DAG1: variants seen among roughly 807,000 people sequenced by gnomAD.
The protein encoded by DAG1 is dystroglycan 1.
DAG1 carries 8 observed loss-of-function variants against 46.1 expected under a neutral mutation model. The observed-to-expected ratio is 0.17, with a 90% CI of 0.10 to 0.31. The LOEUF (loss-of-function observed/expected upper bound fraction) is 0.31, where lower values mean the gene tolerates loss of function less well. DAG1 is among the 10% of genes least tolerant of loss of function. The pLI, the probability that DAG1 is intolerant of heterozygous loss-of-function variation, is 1.00. For missense variants in DAG1, 1,003 were observed against 1,189.9 expected, an observed-to-expected ratio of 0.84 and a Z score of 2.31; for synonymous variants, 495 against 481.8, an observed-to-expected ratio of 1.03 and a Z score of -0.36.
chr3:49,480,267 C>CTTTTTTTTT (rs1043834393), intron 1 of DAG1, among the ~76,000 whole-genome samples: 1 of 100,012 alleles, frequency 1.0e-5, no homozygotes, highest in Non-Finnish European at 2.1e-5. Context: ...TATAACATTT[C>CTTTTTTTTT]TTTTTTTTTT....
intron 1 of DAG1, among the ~76,000 whole-genome samples, chr3:49,506,623 A>G (rs2050613420): frequency 6.6e-6 from 1 of 152,164 alleles, no homozygotes; most frequent in African/African-American, 2.4e-5. Context: ...TTAATTTTCA[A>G]ATATTGAGCT....
chr3:49,526,287 A>G (rs1449334960), intron 2 of DAG1, among the ~76,000 whole-genome samples: 1 of 152,206 alleles, frequency 6.6e-6, no homozygotes, highest in Non-Finnish European at 1.5e-5. Flanking sequence ...AACACTAGGG[A>G]TAATAATTTG....
chr3:49,514,227 G>T (rs914907092), intron 2 of DAG1, among the ~76,000 whole-genome samples: 8 of 151,968 alleles, frequency 5.3e-5, no homozygotes. Context: ...CTAGAGCTTT[G>T]GTTTCTGCAT....
intron 1 of DAG1, among the ~76,000 whole-genome samples, chr3:49,486,250 G>T (rs1443368477): frequency 6.6e-6 from 1 of 150,636 alleles, no homozygotes; most frequent in Non-Finnish European, 1.5e-5. Context: ...ACGGAGTCTT[G>T]CTCTGTCGCC....
At chr3:49,479,689 G>A (rs1244283631) in intron 1 of DAG1, among the ~76,000 whole-genome samples, 2 of 126,378 alleles carry the variant, frequency 1.6e-5, no homozygotes, top group South Asian at 2.7e-4. Flanking sequence ...CTGGGCTGGA[G>A]TGCAGTGGCT....
At chr3:49,479,164 G>T (rs1460206645) in intron 1 of DAG1, among the ~76,000 whole-genome samples, 1 of 151,896 alleles carries the variant, frequency 6.6e-6, no homozygotes, top group Non-Finnish European at 1.5e-5. Flanking sequence ...GTTCAAAAGG[G>T]TTATACAAAG....
At chr3:49,498,019 A>G (rs1034718515) in intron 1 of DAG1, among the ~76,000 whole-genome samples, 34 of 152,250 alleles carry the variant, frequency 2.2e-4, no homozygotes, top group Admixed American at 4.6e-4. Context: ...GAATTTTCCA[A>G]GTGAGAGAAG....
intron 1 of DAG1, among the ~76,000 whole-genome samples, chr3:49,502,956 G>A (rs79873387): frequency 0.023 from 3,480 of 152,178 alleles, 226 homozygotes; most frequent in Admixed American, 0.13. Flanking sequence ...TGAGATTTAC[G>A]CATGTTGATA....
At chr3:49,514,299 A>G (rs1049552725) in intron 2 of DAG1, among the ~76,000 whole-genome samples, 1 of 152,142 alleles carries the variant, frequency 6.6e-6, no homozygotes, top group East Asian at 1.9e-4. Context: ...TATAATAATG[A>G]TGCATAAATG....
At chr3:49,523,304 C>T (rs550974468) in intron 2 of DAG1, among the ~76,000 whole-genome samples, 1 of 152,260 alleles carries the variant, frequency 6.6e-6, no homozygotes, top group East Asian at 1.9e-4. Context: ...TCTTGAACTT[C>T]TGGCCTCAAA....
intron 1 of DAG1, among the ~76,000 whole-genome samples, chr3:49,486,510 G>A (rs754503664): frequency 6.6e-6 from 1 of 150,812 alleles, no homozygotes; most frequent in Admixed American, 6.6e-5. Flanking sequence ...GAGCCACCGC[G>A]CCCGGCCCTT....
intron 1 of DAG1, among the ~76,000 whole-genome samples, chr3:49,492,257 T>G (rs1415221333): frequency 6.6e-6 from 1 of 152,196 alleles, no homozygotes; most frequent in African/African-American, 2.4e-5. Context: ...ACCACAGAAC[T>G]TTTGATTTAA....
chr3:49,525,819 A>G (rs1449631762), intron 2 of DAG1, among the ~76,000 whole-genome samples: 3 of 150,128 alleles, frequency 2.0e-5, no homozygotes, highest in Non-Finnish European at 4.4e-5. Flanking sequence ...CAGCCTCCCA[A>G]AGTGCTGGGA....
At chr3:49,512,834 T>C (rs1483132947) in intron 2 of DAG1, among the ~76,000 whole-genome samples, 2 of 151,746 alleles carry the variant, frequency 1.3e-5, no homozygotes, top group Non-Finnish European at 2.9e-5. Context: ...TACAAAAAAT[T>C]TTTTTTAGAT....
intron 1 of DAG1, among the ~76,000 whole-genome samples, chr3:49,473,298 C>G (rs1394358415): frequency 2.7e-5 from 4 of 149,870 alleles, no homozygotes; most frequent in Admixed American, 1.3e-4. Flanking sequence ...GCCTGTAGTC[C>G]CAGCTACTCA....
intron 2 of DAG1, among the ~76,000 whole-genome samples, chr3:49,523,900 A>G (rs1028119429): frequency 2.6e-5 from 4 of 152,232 alleles, no homozygotes; most frequent in Non-Finnish European, 5.9e-5. Flanking sequence ...TGGGATTCGC[A>G]GTGAAAGATG....
At chr3:49,512,448 A>G (rs951857539) in intron 2 of DAG1, among the ~76,000 whole-genome samples, 4 of 151,532 alleles carry the variant, frequency 2.6e-5, no homozygotes, top group Admixed American at 6.6e-5. Context: ...CTGGAATGCA[A>G]TGACACAATC....
intron 1 of DAG1, among the ~76,000 whole-genome samples, chr3:49,500,944 A>T (rs1162195950): frequency 6.6e-6 from 1 of 152,224 alleles, no homozygotes; most frequent in Non-Finnish European, 1.5e-5. Flanking sequence ...GGACATTCTG[A>T]TACAAGTATA....
At chr3:49,492,811 T>C (rs1466471373) in intron 1 of DAG1, 1 of 152,008 alleles carries the variant, frequency 6.6e-6, no homozygotes, top group East Asian at 1.9e-4. Flanking sequence ...GGAAGGTGTG[T>C]TCTTCTTCCA....
Sources: gnomAD v4.1 joint callset for allele counts (sites outside exome capture counted in the v4.1 genomes callset) on GRCh38, gnomAD v4.1.1 for gene constraint, MANE v1.5 for transcripts, NCBI Gene and HGNC (gene_info 2026-07-23, HGNC 2026-07-21) for gene names.